NUAK1: variants seen among roughly 807,000 people sequenced by gnomAD.
NUAK1 encodes the protein NUAK family SNF1-like kinase 1.
NUAK1 carries 26 observed loss-of-function variants against 56.9 expected under a neutral mutation model. That is an observed-to-expected ratio of 0.46 (90% CI 0.33 to 0.63). NUAK1 has a LOEUF of 0.63. NUAK1 is among the 30% of genes least tolerant of loss of function. The probability of loss-of-function intolerance (pLI) is 0.02; values close to 1 mark genes in which losing one functional copy is unlikely to be tolerated. For synonymous variants in NUAK1, 337 were observed against 336.0 expected (o/e 1.00, Z -0.03); for missense variants, 727 against 876.1 (o/e 0.83, Z 2.15).
At chr12:106,137,708 G>A (rs925831368) in intron 1 of NUAK1, among the ~76,000 whole-genome samples, 2 of 152,266 alleles carry the variant, frequency 1.3e-5, no homozygotes, top group Admixed American at 6.5e-5. Context: ...CCTGCAACCA[G>A]GAGCTGAAAC....
intron 4 of NUAK1, among the ~76,000 whole-genome samples, chr12:106,077,290 G>A (rs61498423): frequency 0.13 from 19,663 of 152,168 alleles, 1,878 homozygotes; most frequent in East Asian, 0.51. Flanking sequence ...TTCCTCATCT[G>A]CAAAATGGCA....
chr12:106,076,450 AT>A lies in NUAK1; in HGVS notation c.580-3608del, dbSNP rs575227217. Among the ~76,000 whole-genome samples, 180 of 152,240 alleles carry A rather than the reference AT, an allele frequency of 1.2e-3. 1 individual carries two copies. The highest frequency in any genetic ancestry group is 4.1e-3 in the African/African-American group (169 of 41,552). On this transcript the variant is annotated intron_variant, in intron 4 of 6. Coordinates refer to ENST00000261402, the MANE Select transcript of NUAK1 (RefSeq NM_014840.3). Reference sequence around the variant, plus strand: ...GGAGAAAGGTACCTACCTAGCTGGCATTTTTGCTTGTTGTTTTGACTGCTCC... The same window carrying A: ...GGAGAAAGGTACCTACCTAGCTGGCATTTTGCTTGTTGTTTTGACTGCTCC...
chr12:106,088,819 T>C (rs545863610), intron 2 of NUAK1, among the ~76,000 whole-genome samples: 51 of 152,304 alleles, frequency 3.3e-4, no homozygotes, highest in African/African-American at 1.2e-3. Flanking sequence ...ACCTGGAACC[T>C]ACCCTAGGCC....
Position 106,138,315 on chromosome 12 carries a change from A to C in NUAK1, c.240+99T>G. 1 of 1,454,150 alleles carries C rather than the reference A, an allele frequency of 6.9e-7. No homozygotes were observed. The highest frequency in any genetic ancestry group is 9.1e-7 in the Non-Finnish European group (1 of 1,104,276). 90.1% of individuals were successfully genotyped at this position (1,454,150 alleles called of 1,614,324 possible). A position where few individuals can be genotyped will look rare whatever the true frequency, so the allele number is the denominator to read the frequency against. ...TTCCCAATGAGCCCCCTCTCTGTCA[A>C]GAGAGCCCCAGGGCGCACAGACCCC... On this transcript the variant is annotated intron_variant, in intron 1 of 6. Transcript: ENST00000261402. This position sits in a 1 kb window ranked among gnomAD's most constrained non-coding sequence, Gnocchi z 5.0.
At chr12:106,109,696 T>C (rs754724) in intron 1 of NUAK1, among the ~76,000 whole-genome samples, 85,752 of 151,902 alleles carry the variant, frequency 0.56, 25,633 homozygotes, top group African/African-American at 0.78. Flanking sequence ...CAGGCTAAAA[T>C]CACCCTCTAG....
intron 1 of NUAK1, among the ~76,000 whole-genome samples, chr12:106,121,042 G>T (rs2032968830): frequency 6.6e-6 from 1 of 152,198 alleles, no homozygotes; most frequent in Non-Finnish European, 1.5e-5. Flanking sequence ...CTGGGGTAAA[G>T]TCCAGACATC....
chr12:106,127,987 A>C (rs1045137199), intron 1 of NUAK1, among the ~76,000 whole-genome samples: 4 of 152,150 alleles, frequency 2.6e-5, no homozygotes, highest in African/African-American at 9.7e-5. Flanking sequence ...CACTTTTCTA[A>C]GAACTCGACA....
chr12:106,130,671 C>A (rs550361171), intron 1 of NUAK1, among the ~76,000 whole-genome samples: 2 of 152,374 alleles, frequency 1.3e-5, no homozygotes, highest in East Asian at 3.9e-4. Context: ...TGGGCCCCAG[C>A]CCGCGTCGTT....
At chr12:106,133,200 C>T (rs574402975) in intron 1 of NUAK1, among the ~76,000 whole-genome samples, 25 of 152,262 alleles carry the variant, frequency 1.6e-4, no homozygotes, top group Non-Finnish European at 2.5e-4. Context: ...TATTCACCTT[C>T]CCCCAAACAC....
chr12:106,107,499 C>T (rs1419061098), intron 1 of NUAK1, among the ~76,000 whole-genome samples: 1 of 152,174 alleles, frequency 6.6e-6, no homozygotes, highest in East Asian at 1.9e-4. Context: ...AGTTCCCTTC[C>T]AGGCTGGTCC....
At chr12:106,077,153 A>G (rs773913051) in intron 4 of NUAK1, among the ~76,000 whole-genome samples, 4 of 152,224 alleles carry the variant, frequency 2.6e-5, no homozygotes, top group Non-Finnish European at 5.9e-5. Context: ...TCTAACAGTC[A>G]TCTGCAGTGT....
intron 1 of NUAK1, among the ~76,000 whole-genome samples, chr12:106,114,304 C>T (rs888518380): frequency 6.6e-6 from 1 of 152,234 alleles, no homozygotes; most frequent in African/African-American, 2.4e-5. Flanking sequence ...CCAGCATCTG[C>T]ACCTTGGGCT....
intron 4 of NUAK1, among the ~76,000 whole-genome samples, chr12:106,083,560 A>C (rs1592850961): frequency 6.6e-6 from 1 of 152,232 alleles, no homozygotes; most frequent in Non-Finnish European, 1.5e-5. Context: ...TTGGTTGCTA[A>C]AAGTATTGTT....
At chr12:106,106,547 T>C in intron 1 of NUAK1, 22 bp from the exon 2 acceptor site, 1 of 1,607,572 alleles carries the variant, frequency 6.2e-7, no homozygotes, top group East Asian at 2.2e-5. Context: ...GGAAATGAAA[T>C]GTTATTCAGA....
chr12:106,102,676 T>A (rs2032761318), intron 2 of NUAK1, among the ~76,000 whole-genome samples: 1 of 152,178 alleles, frequency 6.6e-6, no homozygotes, highest in Non-Finnish European at 1.5e-5. Context: ...GCTTACCAGA[T>A]ACATGTATCA....
chr12:106,094,557 T>C (rs2032674014), intron 2 of NUAK1, among the ~76,000 whole-genome samples: 1 of 152,210 alleles, frequency 6.6e-6, no homozygotes, highest in Admixed American at 6.5e-5. Context: ...GATGAGAAAT[T>C]TAAACTGGCA....
intron 6 of NUAK1, among the ~76,000 whole-genome samples, chr12:106,068,938 T>C (rs1282886739): frequency 2.0e-5 from 3 of 152,208 alleles, no homozygotes; most frequent in African/African-American, 7.2e-5. Context: ...ATTCAATAAG[T>C]ATTTCTTGAA....
chr12:106,138,869 C>G lies in NUAK1; in HGVS notation c.-216G>C. On this transcript the variant is annotated 5_prime_UTR_variant, in exon 1 of 7. Transcript: ENST00000261402. The surrounding 1 kb of genome is among the most constrained non-coding windows in gnomAD (Gnocchi z 5.0). ...CGCGCACGGTCCGCGCACCGCCCCC[C>G]GGCCGCGGCGAGCTGTGGAGCGTCG... 3.8e-6 allele frequency: 2 copies of G among 520,382 alleles called. No individual in the cohort carries two copies. The highest frequency in any genetic ancestry group is 3.0e-6 in the Non-Finnish European group (1 of 336,580). 32.2% of individuals were successfully genotyped at this position (520,382 alleles called of 1,614,324 possible). A position where few individuals can be genotyped will look rare whatever the true frequency, so the allele number is the denominator to read the frequency against.
intron 2 of NUAK1, among the ~76,000 whole-genome samples, chr12:106,100,567 G>A (rs1896364): frequency 0.18 from 27,580 of 152,202 alleles, 2,755 homozygotes; most frequent in Admixed American, 0.23. Context: ...CTCTTTAATG[G>A]CAGTTCCAAG....
Sources: allele counts gnomAD v4.1 joint callset (sites outside exome capture counted in the v4.1 genomes callset), GRCh38; gene constraint gnomAD v4.1.1; non-coding constraint Gnocchi (gnomAD v3.1); transcripts MANE v1.5; gene names NCBI Gene and HGNC (gene_info 2026-07-23, HGNC 2026-07-21).